Variants in STIL observed in about 807,000 individuals in gnomAD.
STIL encodes the protein SCL-interrupting locus protein.
STIL carries 55 observed loss-of-function variants against 110.1 expected under a neutral mutation model. The observed-to-expected ratio is 0.50, with a 90% CI of 0.40 to 0.63. The LOEUF (loss-of-function observed/expected upper bound fraction) is 0.63, where lower values mean the gene tolerates loss of function less well. Among genes scored for constraint, STIL ranks in the 20% least tolerant of loss-of-function variants. The probability of loss-of-function intolerance (pLI) is 0.00; values close to 1 mark genes in which losing one functional copy is unlikely to be tolerated. For missense variants in STIL, 1,358 were observed against 1,530.0 expected, an observed-to-expected ratio of 0.89 and a Z score of 1.87; for synonymous variants, 481 against 530.0, an observed-to-expected ratio of 0.91 and a Z score of 1.27.
Position 47,305,000 on chromosome 1 carries a change from T to A in STIL, c.45-4A>T, listed in dbSNP as rs1428935994. 2 of 1,610,738 alleles carry A rather than the reference T, an allele frequency of 1.2e-6. No homozygotes were observed. The highest frequency in any genetic ancestry group is 1.7e-6 in the Non-Finnish European group (2 of 1,177,150). Reference sequence around the variant, plus strand: ...TACCATCCTGCTTGAAGGAAACCTTTTGAAAAAACAATGTAAAATTAAAGC... The same window carrying A: ...TACCATCCTGCTTGAAGGAAACCTTATGAAAAAACAATGTAAAATTAAAGC... On this transcript the variant is annotated splice_region_variant and splice_polypyrimidine_tract_variant and intron_variant, in intron 2 of 16. Transcript: ENST00000371877.
At chr1:47,294,983 G>A (rs1198554610) in intron 7 of STIL, among the ~76,000 whole-genome samples, 3 of 151,936 alleles carry the variant, frequency 2.0e-5, no homozygotes, top group Admixed American at 6.6e-5. Context: ...GTGCAATGGC[G>A]CAATCTCAGC....
At chr1:47,276,192 G>A (rs962497966) in intron 12 of STIL, among the ~76,000 whole-genome samples, 15 of 151,600 alleles carry the variant, frequency 9.9e-5, no homozygotes, top group Non-Finnish European at 2.9e-5. Flanking sequence ...AGTAGAGACG[G>A]GATTTCACCA....
intron 12 of STIL, among the ~76,000 whole-genome samples, chr1:47,273,103 G>T (rs1255657260): frequency 1.3e-5 from 2 of 152,098 alleles, no homozygotes; most frequent in Non-Finnish European, 1.5e-5. Flanking sequence ...AAAACCTGCG[G>T]CAAGGAAAAA....
intron 2 of STIL, among the ~76,000 whole-genome samples, chr1:47,308,375 C>G (rs958427584): frequency 6.6e-6 from 1 of 150,454 alleles, no homozygotes; most frequent in Non-Finnish European, 1.5e-5. Flanking sequence ...CGGGGCAGGT[C>G]CCCCGATACT....
intron 6 of STIL, among the ~76,000 whole-genome samples, chr1:47,296,138 T>C (rs1645636200): frequency 6.6e-6 from 1 of 152,220 alleles, no homozygotes; most frequent in Non-Finnish European, 1.5e-5. Context: ...TACAATTTAC[T>C]TTAATCAAGA....
chr1:47,277,189 T>C lies in STIL; in HGVS notation c.2217+3052A>G, dbSNP rs1570134914. Among the ~76,000 whole-genome samples, 6 of 152,250 alleles carry C rather than the reference T, an allele frequency of 3.9e-5. No homozygotes were observed. In the South Asian group the frequency reaches 1.2e-3, roughly 32 times the overall value. On this transcript the variant is annotated intron_variant, in intron 12 of 16. Transcript: ENST00000371877. Reference sequence around the variant, plus strand: ...CATTAGAAGGGTCCAAGGAGGAATATTTCAGGCAAAGGGAACCAAAAGCTG... The same window carrying C: ...CATTAGAAGGGTCCAAGGAGGAATACTTCAGGCAAAGGGAACCAAAAGCTG...
At chr1:47,259,409 G>A (rs1032228378) in intron 16 of STIL, among the ~76,000 whole-genome samples, 1 of 146,108 alleles carries the variant, frequency 6.8e-6, no homozygotes, top group Non-Finnish European at 1.5e-5. Flanking sequence ...TCTTGCCTCA[G>A]CCTCCCAAGT....
intron 10 of STIL, among the ~76,000 whole-genome samples, chr1:47,287,209 T>G (rs1645327677): frequency 6.6e-6 from 1 of 152,028 alleles, no homozygotes; most frequent in South Asian, 2.1e-4. Context: ...ATTTAAATAT[T>G]AAAATAAGAA....
chr1:47,300,366 GCT>G (rs1392734698), intron 5 of STIL, among the ~76,000 whole-genome samples: 1 of 152,004 alleles, frequency 6.6e-6, no homozygotes, highest in Non-Finnish European at 1.5e-5. Context: ...ACTGTCCCAA[GCT>G]CCACTACACA....
In STIL at chr1:47,310,375, A is replaced by G; in HGVS notation, c.-43-13T>C. On this transcript the variant is annotated splice_polypyrimidine_tract_variant and intron_variant, in intron 1 of 16. Coordinates refer to ENST00000371877, the MANE Select transcript of STIL (RefSeq NM_001048166.1). ...AATCCTCAGTATCCTAAAGAATTAA[A>G]GAGAATATTACTAATGAATGATAAA... 1 of 1,485,254 alleles carries G rather than the reference A, an allele frequency of 6.7e-7. No homozygotes were observed. Among genetic ancestry groups the G allele is most frequent in the Non-Finnish European group, 9.4e-7 (1 of 1,067,594 alleles). 92.0% of individuals were successfully genotyped at this position (1,485,254 alleles called of 1,614,324 possible).
At chr1:47,253,198 C>A (rs909500445) in intron 16 of STIL, among the ~76,000 whole-genome samples, 1 of 152,196 alleles carries the variant, frequency 6.6e-6, no homozygotes, top group Admixed American at 6.5e-5. Context: ...CTTACAGTAA[C>A]CTTTGTCAGG....
chr1:47,302,392 T>TA, intron 3 of STIL, 46 bp from the exon 4 acceptor site: 2 of 1,341,900 alleles, frequency 1.5e-6, no homozygotes, highest in Non-Finnish European at 1.1e-6. Flanking sequence ...CCTCATATCT[T>TA]AAAAAAACCT....
At position 47,280,288 on chromosome 1, in the gene STIL, G is replaced by C. The variant is rs551661801; in HGVS notation, c.2170C>G (p.Arg724Gly). The change falls in exon 12 of 17, where the codon CGG (arginine) becomes GGG (glycine). Residue 724 changes from arginine to glycine, a missense_variant. Arg to Gly is a moderately radical substitution (Grantham distance 125, BLOSUM62 -2). Coordinates refer to ENST00000371877, the MANE Select transcript of STIL (RefSeq NM_001048166.1). ...GMMGLSPDAYRFLTEQDRQLR... is the reference protein window; with the variant it reads ...GMMGLSPDAYGFLTEQDRQLR... ...TGTCTGTCTTGTTCTGTGAGGAACC[G>C]ATATGCATCTGGAGATAGTCCCATC... 1 of 1,614,238 alleles carries C rather than the reference G, an allele frequency of 6.2e-7. No individual in the cohort carries two copies.
chr1:47,281,500 A>C (rs1455646349), intron 11 of STIL, among the ~76,000 whole-genome samples: 4 of 152,206 alleles, frequency 2.6e-5, no homozygotes, highest in African/African-American at 9.6e-5. Flanking sequence ...CACTGCTAAG[A>C]TCACAGAACA....
chr1:47,278,316 T>TA (rs1557734355), intron 12 of STIL, among the ~76,000 whole-genome samples: 1 of 152,122 alleles, frequency 6.6e-6, no homozygotes, highest in Admixed American at 6.6e-5. Flanking sequence ...TATACTTATA[T>TA]AAAAAATGTA....
At position 47,280,616 on chromosome 1, in the gene STIL, A is replaced by G. The variant is rs1645130521; in HGVS notation, c.1842T>C (p.Tyr614=). 2 of 1,614,214 alleles carry G rather than the reference A, an allele frequency of 1.2e-6. No homozygotes were observed. The highest frequency in any genetic ancestry group is 4.5e-5 in the East Asian group (2 of 44,882). The change falls in exon 12 of 17, where the codon TAT becomes TAC. Residue 614 remains tyrosine (Y), a synonymous_variant. Coordinates refer to ENST00000371877, the MANE Select transcript of STIL (RefSeq NM_001048166.1). ...RCCQHHSHIQ[Y]SPLNSWQGAN... is the part of the protein sequence containing the mutation. ...CTCCTTGCCAAGAATTTAGCGGACT[A>G]TATTGAATATGACTATGATGCTGAC...
intron 12 of STIL, among the ~76,000 whole-genome samples, chr1:47,277,391 T>C (rs751252184): frequency 2.6e-5 from 4 of 152,196 alleles, no homozygotes; most frequent in Non-Finnish European, 4.4e-5. Flanking sequence ...TTGGATTTTA[T>C]TCTAATTGCA....
chr1:47,300,596 T>C (rs1477262963), intron 5 of STIL, among the ~76,000 whole-genome samples: 2 of 152,126 alleles, frequency 1.3e-5, no homozygotes, highest in African/African-American at 4.8e-5. Context: ...ACCTCCCAAG[T>C]AGCTGGGATT....
At chr1:47,255,360 T>A (rs111777815) in intron 16 of STIL, among the ~76,000 whole-genome samples, 6 of 151,988 alleles carry the variant, frequency 3.9e-5, no homozygotes, top group African/African-American at 1.4e-4. Flanking sequence ...TTATTCCAAC[T>A]CAGATGACAA....
Sources: allele counts gnomAD v4.1 joint callset (sites outside exome capture counted in the v4.1 genomes callset), GRCh38; gene constraint gnomAD v4.1.1; transcripts MANE v1.5; gene names NCBI Gene and HGNC (gene_info 2026-07-23, HGNC 2026-07-21).